The following ALG14 variants were observed in gnomAD, a reference collection of about 807,000 sequenced individuals.
ALG14 encodes UDP-N-acetylglucosamine transferase subunit ALG14.
Under a neutral mutation model 22.8 loss-of-function variants are expected in ALG14, and 17 were observed. The observed-to-expected ratio is 0.75, with a 90% CI of 0.51 to 1.12. The LOEUF (loss-of-function observed/expected upper bound fraction) is 1.12, where lower values mean the gene tolerates loss of function less well. Among genes scored for constraint, ALG14 ranks in the 50% most tolerant of loss-of-function variants. ALG14 has a pLI of 0.00. For missense variants in ALG14, 288 were observed against 271.8 expected, an observed-to-expected ratio of 1.06 and a Z score of -0.42; for synonymous variants, 89 against 103.7, an observed-to-expected ratio of 0.86 and a Z score of 0.86.
At chr1:95,064,791 A>G in intron 2 of ALG14, 75 bp downstream of exon 2, 1 of 1,440,238 alleles carries the variant, frequency 6.9e-7, no homozygotes, top group Non-Finnish European at 9.5e-7. Context: ...CTGAAGTGCC[A>G]TGAGATTATT....
rs539634021 is a variant in ALG14, at chr1:95,044,881, T to TAAAAA, written c.289-17622_289-17621insTTTTT. ...GCTGAATAAACAAAGTATTTTTTTTTTAAAAAAAGCATTAGGATTCTGACA... is the reference window on the plus strand; with the variant it reads ...GCTGAATAAACAAAGTATTTTTTTTTAAAAATAAAAAAAGCATTAGGATTCTGACA... On this transcript the variant is annotated intron_variant, in intron 2 of 3. Coordinates refer to ENST00000370205, the MANE Select transcript of ALG14 (RefSeq NM_144988.4). 1.7e-4 allele frequency among the ~76,000 whole-genome samples: 26 copies of TAAAAA among 151,370 alleles called. No individual in the cohort carries two copies. In the South Asian group the frequency reaches 2.3e-3, roughly 13 times the overall value.
chr1:95,002,165 T>G (rs567633941), intron 3 of ALG14, among the ~76,000 whole-genome samples: 37 of 151,996 alleles, frequency 2.4e-4, no homozygotes, highest in African/African-American at 8.2e-4. Flanking sequence ...TCTACAACAG[T>G]GATGAGGGAT....
chr1:95,012,664 G>A (rs1673399196), intron 3 of ALG14, among the ~76,000 whole-genome samples: 1 of 152,116 alleles, frequency 6.6e-6, no homozygotes, highest in Non-Finnish European at 1.5e-5. Context: ...ATGGTCAACG[G>A]GACCTGTTCC....
chr1:94,995,493 A>G (rs2100726955), intron 3 of ALG14, among the ~76,000 whole-genome samples: 1 of 152,312 alleles, frequency 6.6e-6, no homozygotes, highest in Non-Finnish European at 1.5e-5. Flanking sequence ...CAGGCAGATC[A>G]CTTGAGGTCA....
chr1:95,029,551 A>G (rs1393460289), intron 2 of ALG14, among the ~76,000 whole-genome samples: 1 of 152,242 alleles, frequency 6.6e-6, no homozygotes, highest in Non-Finnish European at 1.5e-5. Flanking sequence ...AAAGAACAGA[A>G]TAATTAATAC....
At chr1:95,066,876 A>G (rs974465544) in intron 1 of ALG14, among the ~76,000 whole-genome samples, 24 of 152,168 alleles carry the variant, frequency 1.6e-4, no homozygotes, top group African/African-American at 5.8e-4. Context: ...AGAAAAAAAA[A>G]ACAAGTGGTG....
intron 3 of ALG14, among the ~76,000 whole-genome samples, chr1:95,002,607 G>A (rs140126622): frequency 3.7e-4 from 57 of 152,346 alleles, no homozygotes; most frequent in African/African-American, 1.2e-3. Context: ...GAGCTGGCCT[G>A]TGTGCCAGTA....
At position 94,979,528 on chromosome 1, in the gene ALG14, G is replaced by C. The variant is rs1672461639; in HGVS notation, c.*3548C>G. ...AAAGGAAAGGGTAGATATGAACTAA[G>C]TCAAAGGCAGAATCAATAGGTGATG... is the stretch of plus-strand genomic sequence containing the variant. On this transcript the variant is annotated 3_prime_UTR_variant, in exon 4 of 4. Coordinates refer to ENST00000370205, the MANE Select transcript of ALG14 (RefSeq NM_144988.4). 1 of 152,092 alleles carries C rather than the reference G, an allele frequency of 6.6e-6. No individual in the cohort carries two copies. Among genetic ancestry groups the C allele is most frequent in the Non-Finnish European group, 1.5e-5 (1 of 68,018 alleles). 9.4% of individuals were successfully genotyped at this position (152,092 alleles called of 1,614,324 possible).
rs1227282477 is a variant in ALG14 at position 94,980,242 on chromosome 1, C to T, written c.*2834G>A. 6.6e-6 allele frequency: 1 copy of T among 152,152 alleles called. No homozygotes were observed. The highest frequency in any genetic ancestry group is 1.5e-5 in the Non-Finnish European group (1 of 68,036). 9.4% of individuals were successfully genotyped at this position (152,152 alleles called of 1,614,324 possible). ...CTTGCTATTCAACTCACAATTGTCA[C>T]CACTCCTCTTGTTGACACGGTTTCA... On this transcript the variant is annotated 3_prime_UTR_variant, in exon 4 of 4. Transcript: ENST00000370205.
rs1275274657 is a variant in ALG14, at chr1:94,979,862, T to C, written c.*3214A>G. The C allele has an allele frequency of 2.6e-5, 4 of 152,222 alleles. No homozygotes were observed. The highest frequency in any genetic ancestry group is 9.6e-5 in the African/African-American group (4 of 41,458). 9.4% of individuals were successfully genotyped at this position (152,222 alleles called of 1,614,324 possible). On this transcript the variant is annotated 3_prime_UTR_variant, in exon 4 of 4. Coordinates refer to ENST00000370205, the MANE Select transcript of ALG14 (RefSeq NM_144988.4). ...AGGGATGGGCCCTAACAAAAGAATGTTGAAGGCGGACAAGATTTGGGTGTC... is the reference window on the plus strand; with the variant it reads ...AGGGATGGGCCCTAACAAAAGAATGCTGAAGGCGGACAAGATTTGGGTGTC...
chr1:95,008,575 T>C (rs542449180), intron 3 of ALG14, among the ~76,000 whole-genome samples: 4 of 152,118 alleles, frequency 2.6e-5, no homozygotes, highest in Non-Finnish European at 4.4e-5. Context: ...ATGTAATCTG[T>C]AGAATAAAAA....
chr1:95,020,412 T>A (rs1310633462), intron 3 of ALG14, among the ~76,000 whole-genome samples: 1 of 151,758 alleles, frequency 6.6e-6, no homozygotes, highest in Admixed American at 6.6e-5. Context: ...TGTGTTTTAA[T>A]CTTTTTTTTT....
intron 2 of ALG14, among the ~76,000 whole-genome samples, chr1:95,053,308 G>T (rs1674816873): frequency 1.3e-5 from 2 of 151,852 alleles, no homozygotes; most frequent in African/African-American, 4.8e-5. Context: ...GGGATAAAAT[G>T]GGTCACTTCA....
intron 2 of ALG14, among the ~76,000 whole-genome samples, chr1:95,029,363 C>T (rs1038822418): frequency 3.9e-5 from 6 of 152,174 alleles, no homozygotes; most frequent in South Asian, 2.1e-4. Context: ...GAAATTGTCA[C>T]GTCTTTTATG....
rs997113718 is a variant in ALG14 at position 94,977,995 on chromosome 1, C to T, written c.*5081G>A. ...GTATAATGAGGTCCTGAGATCAAAACGTTTGTGAAGCACTGGTCTAGATAA... is the reference window on the plus strand; with the variant it reads ...GTATAATGAGGTCCTGAGATCAAAATGTTTGTGAAGCACTGGTCTAGATAA... On this transcript the variant is annotated 3_prime_UTR_variant, in exon 4 of 4. Transcript: ENST00000370205. The T allele has an allele frequency of 5.9e-5, 9 of 151,684 alleles. No homozygotes were observed. Among genetic ancestry groups the T allele is most frequent in the African/African-American group, 1.9e-4 (8 of 41,256 alleles). 9.4% of individuals were successfully genotyped at this position (151,684 alleles called of 1,614,324 possible).
intron 3 of ALG14, among the ~76,000 whole-genome samples, chr1:94,995,681 T>C (rs866473903): frequency 1.5e-4 from 23 of 152,358 alleles, no homozygotes; most frequent in African/African-American, 5.3e-4. Flanking sequence ...GCCATTGCAC[T>C]CCAGCCTGGG....
At chr1:95,050,156 C>A (rs188088988) in intron 2 of ALG14, among the ~76,000 whole-genome samples, 1 of 152,112 alleles carries the variant, frequency 6.6e-6, no homozygotes, top group Non-Finnish European at 1.5e-5. Flanking sequence ...GCGTTCCGAG[C>A]GATATGGATG....
intron 2 of ALG14, among the ~76,000 whole-genome samples, chr1:95,037,346 G>A (rs1674233319): frequency 6.6e-6 from 1 of 152,214 alleles, no homozygotes; most frequent in South Asian, 2.1e-4. Flanking sequence ...TGAAAGATGG[G>A]AGTATAACCC....
intron 1 of ALG14, among the ~76,000 whole-genome samples, chr1:95,070,219 A>C (rs1289448885): frequency 6.6e-6 from 1 of 152,204 alleles, no homozygotes; most frequent in East Asian, 1.9e-4. Context: ...TATTAGCATT[A>C]AATTATACCC....
Sources: gnomAD v4.1 joint callset for allele counts (sites outside exome capture counted in the v4.1 genomes callset) on GRCh38, gnomAD v4.1.1 for gene constraint, MANE v1.5 for transcripts, NCBI Gene and HGNC (gene_info 2026-07-23, HGNC 2026-07-21) for gene names.